Variants in PCDHGB4 observed in about 807,000 individuals in gnomAD.
PCDHGB4 encodes protocadherin gamma subfamily B, 4.
In PCDHGB4, 38 loss-of-function variants were observed where a neutral mutation model predicts 60.5. That is an observed-to-expected ratio of 0.63 (90% confidence interval 0.48 to 0.82). The LOEUF (loss-of-function observed/expected upper bound fraction) is 0.82, where lower values mean the gene tolerates loss of function less well. Ranked by LOEUF, PCDHGB4 falls within the 40% of genes least tolerant of loss-of-function variation. The probability of loss-of-function intolerance (pLI) is 0.00; values close to 1 mark genes in which losing one functional copy is unlikely to be tolerated. For missense variants in PCDHGB4, 1,109 were observed against 1,209.6 expected (o/e 0.92, Z 1.23); for synonymous variants, 456 against 509.7 (o/e 0.89, Z 1.42).
Position 141,388,793 on chromosome 5 carries a change from T to A in PCDHGB4, c.909T>A (p.Asn303Lys), listed in dbSNP as rs1441605740. The A allele has an allele frequency of 1.2e-6, 2 of 1,613,918 alleles. No individual in the cohort carries two copies. Among genetic ancestry groups the A allele is most frequent in the Admixed American group, 3.3e-5 (2 of 60,030 alleles). Residue 303 changes from asparagine (N) to lysine (K), a missense_variant, in exon 1 of 4, where the codon AAT (asparagine) becomes AAA (lysine). Around this residue, in one of 2 missense-constraint regions of PCDHGB4, gnomAD observed 1,068 missense variants for 1,089.9 expected, o/e 0.98. Transcript: ENST00000519479. Reference protein sequence around the residue: ...NSNTGEITVLNTLDFEEVKEY... With the variant: ...NSNTGEITVLKTLDFEEVKEY... Reference sequence around the variant, plus strand: ...ACACCGGGGAAATTACTGTTTTAAATACATTAGATTTTGAAGAAGTCAAAG... The same window carrying A: ...ACACCGGGGAAATTACTGTTTTAAAAACATTAGATTTTGAAGAAGTCAAAG...
intron 1 of PCDHGB4, among the ~76,000 whole-genome samples, chr5:141,488,115 G>A (rs936010936): frequency 1.4e-4 from 21 of 152,298 alleles, no homozygotes; most frequent in Middle Eastern, 3.4e-3. Flanking sequence ...TTGAAACATA[G>A]AGACAGCAGA....
chr5:141,409,164 C>G (rs115772303), intron 1 of PCDHGB4: 18 of 1,613,792 alleles, frequency 1.1e-5, no homozygotes, highest in Non-Finnish European at 1.4e-5. Flanking sequence ...GAAGTGGAAG[C>G]GAAGGACGGA....
Position 141,489,213 on chromosome 5 carries a change from T to G in PCDHGB4, c.2398-5594T>G, listed in dbSNP as rs372898969. 11 of 1,473,392 alleles carry G rather than the reference T, an allele frequency of 7.5e-6. No homozygotes were observed. The highest frequency in any genetic ancestry group is 6.4e-6 in the Non-Finnish European group (7 of 1,091,332). 91.3% of individuals were successfully genotyped at this position (1,473,392 alleles called of 1,614,324 possible). On this transcript the variant is annotated intron_variant, in intron 1 of 3. Coordinates refer to ENST00000519479, the MANE Select transcript of PCDHGB4 (RefSeq NM_003736.4). This position sits in a 1 kb window ranked among gnomAD's most constrained non-coding sequence, Gnocchi z 4.5. Reference sequence around the variant, plus strand: ...ACCTTGGAGACAGGACAGCACAGACTTACTCTCCACAAAGGGACTTCTGGG... The same window carrying G: ...ACCTTGGAGACAGGACAGCACAGACGTACTCTCCACAAAGGGACTTCTGGG...
At chr5:141,408,500 A>G in intron 1 of PCDHGB4, 1 of 1,614,018 alleles carries the variant, frequency 6.2e-7, no homozygotes, top group Non-Finnish European at 8.5e-7. Context: ...CAAAGAGAGA[A>G]GAAGATGTGA....
At position 141,390,223 on chromosome 5, in the gene PCDHGB4, G is replaced by A. The variant is rs137959577; in HGVS notation, c.2339G>A (p.Gly780Asp). 6 of 1,614,020 alleles carry A rather than the reference G, an allele frequency of 3.7e-6. No individual in the cohort carries two copies. Among genetic ancestry groups the A allele is most frequent in the East Asian group, 2.2e-5 (1 of 44,894 alleles). ...AGTTCAGGACAAGACATACTTTGCG[G>A]TGATTCATCTGGGGCCTTATTTCCA... ...QLSSGQDILC[G>D]DSSGALFPLC... The change falls in exon 1 of 4, where the codon GGT becomes GAT. Residue 780 changes from glycine to aspartate, a missense_variant. Physicochemically the swap from Gly to Asp is moderately conservative, Grantham distance 94. Transcript: ENST00000519479.
intron 1 of PCDHGB4, chr5:141,418,530 G>A (rs370822103): frequency 5.0e-6 from 8 of 1,613,834 alleles, no homozygotes; most frequent in Non-Finnish European, 6.8e-6. Context: ...CCCCGAAGCG[G>A]TACTGCTCAG....
chr5:141,484,096 G>A (rs539388257), intron 1 of PCDHGB4, among the ~76,000 whole-genome samples: 1 of 152,126 alleles, frequency 6.6e-6, no homozygotes, highest in South Asian at 2.1e-4. Flanking sequence ...GTCTTCGTTG[G>A]TAATTAACAA....
intron 1 of PCDHGB4, chr5:141,418,940 C>T (rs867717378): frequency 5.6e-6 from 9 of 1,614,010 alleles, no homozygotes; most frequent in Non-Finnish European, 7.6e-6. Flanking sequence ...GGAGGATTCC[C>T]CTCCAGGAGT....
chr5:141,450,633 C>T (rs751572851), intron 1 of PCDHGB4, among the ~76,000 whole-genome samples: 2 of 149,416 alleles, frequency 1.3e-5, no homozygotes, highest in East Asian at 2.0e-4. Flanking sequence ...ATTACAGATG[C>T]CTGCCACCAT....
At chr5:141,497,478 C>A (rs974494984) in intron 2 of PCDHGB4, among the ~76,000 whole-genome samples, 1 of 150,954 alleles carries the variant, frequency 6.6e-6, no homozygotes, top group African/African-American at 2.4e-5. Flanking sequence ...GGAGAAGGTG[C>A]GGAACCTCTC....
Position 141,489,791 on chromosome 5 carries a change from C to G in PCDHGB4, c.2398-5016C>G. ...AGCCACTTCTCTCTGAATGTGAAGA[C>G]CCTAAAAGATGGGAAGCCATTCCCA... On this transcript the variant is annotated intron_variant, in intron 1 of 3. Transcript: ENST00000519479. The surrounding 1 kb of genome is among the most constrained non-coding windows in gnomAD (Gnocchi z 4.5). 2 of 1,614,174 alleles carry G rather than the reference C, an allele frequency of 1.2e-6. No individual in the cohort carries two copies. The highest frequency in any genetic ancestry group is 1.7e-6 in the Non-Finnish European group (2 of 1,180,002).
chr5:141,475,550 T>G (rs2099365082), intron 1 of PCDHGB4, among the ~76,000 whole-genome samples: 1 of 152,246 alleles, frequency 6.6e-6, no homozygotes, highest in Non-Finnish European at 1.5e-5. Flanking sequence ...AGGGTCCGGC[T>G]AATTGTCTGT....
intron 1 of PCDHGB4, chr5:141,395,075 C>A: frequency 6.2e-7 from 1 of 1,614,124 alleles, no homozygotes; most frequent in Non-Finnish European, 8.5e-7. Context: ...AGACCTATTC[C>A]CAGGAAGTCT....
intron 2 of PCDHGB4, among the ~76,000 whole-genome samples, chr5:141,497,540 CT>C (rs754207034): frequency 0.18 from 24,498 of 134,808 alleles, 2,020 homozygotes; most frequent in African/African-American, 0.21. Flanking sequence ...TGCAACAAAC[CT>C]TTTTTTTTTT....
Position 141,463,438 on chromosome 5 carries a change from CTTTTTTTTT to C in PCDHGB4, c.2398-31349_2398-31341del, listed in dbSNP as rs71576115. 5.5e-3 allele frequency among the ~76,000 whole-genome samples: 572 copies of C among 103,208 alleles called. 4 individuals carry two copies. The highest frequency in any genetic ancestry group is 8.7e-3 in the Non-Finnish European group (462 of 53,292). The allele number at this position is 103,208 out of a possible 152,430, so 67.7% of individuals were successfully genotyped here. On this transcript the variant is annotated intron_variant, in intron 1 of 3. Transcript: ENST00000519479. ...GTTTGCGGATCCTCATTTCCTTCTC[CTTTTTTTTT>C]TTTTTTTTTTTTTTTTTTTGAGATG...
intron 1 of PCDHGB4, chr5:141,405,106 C>G: frequency 6.2e-7 from 1 of 1,613,964 alleles, no homozygotes; most frequent in Non-Finnish European, 8.5e-7. Flanking sequence ...GGCTGAGGCA[C>G]TGGCACTCCT....
Position 141,476,085 on chromosome 5 carries a change from G to C in PCDHGB4, c.2398-18722G>C, listed in dbSNP as rs1163057402. On this transcript the variant is annotated intron_variant, in intron 1 of 3. Coordinates refer to ENST00000519479, the MANE Select transcript of PCDHGB4 (RefSeq NM_003736.4). This position sits in a 1 kb window ranked among gnomAD's most constrained non-coding sequence, Gnocchi z 7.6. ...TCAGCGAAATCTCAGGGACGATCTG[G>C]ACCCCGCTGAGAGGAACTGCTTTTG... 1.3e-6 allele frequency: 2 copies of C among 1,551,682 alleles called. No individual in the cohort carries two copies. Among genetic ancestry groups the C allele is most frequent in the East Asian group, 2.3e-5 (1 of 44,392 alleles).
Position 141,491,402 on chromosome 5 carries a change from C to T in PCDHGB4, c.2398-3405C>T. 1 of 1,614,156 alleles carries T rather than the reference C, an allele frequency of 6.2e-7. No individual in the cohort carries two copies. Among genetic ancestry groups the T allele is most frequent in the Non-Finnish European group, 8.5e-7 (1 of 1,180,022 alleles). ...TCAGCGAAGTGCCTTCAGGGAAACG[C>T]AGACGGGGACGGGGGTGGAGGGCAG... On this transcript the variant is annotated intron_variant, in intron 1 of 3. Transcript: ENST00000519479. The surrounding 1 kb of genome is among the most constrained non-coding windows in gnomAD (Gnocchi z 6.9).
At chr5:141,406,072 C>CTT (rs530474569) in intron 1 of PCDHGB4, among the ~76,000 whole-genome samples, 28 of 141,510 alleles carry the variant, frequency 2.0e-4, no homozygotes, top group East Asian at 4.1e-4. Context: ...ATTCTTACTC[C>CTT]TTTTTTTTTT....
Sources: allele counts gnomAD v4.1 joint callset (sites outside exome capture counted in the v4.1 genomes callset), GRCh38; gene constraint gnomAD v4.1.1; regional missense constraint gnomAD v4.1.1; non-coding constraint Gnocchi (gnomAD v3.1); transcripts MANE v1.5; gene names NCBI Gene and HGNC (gene_info 2026-07-23, HGNC 2026-07-21).